Variants in COL5A2 observed in about 807,000 individuals in gnomAD.
The protein encoded by COL5A2 is collagen type V alpha 2 chain.
COL5A2 carries 23 observed loss-of-function variants against 208.2 expected under a neutral mutation model. The ratio of observed to expected loss-of-function variants is 0.11; its 90% CI spans 0.08 to 0.16. The LOEUF is 0.16. COL5A2 is among the 10% of genes least tolerant of loss of function. The pLI is 1.00. For missense variants in COL5A2, 1,590 were observed against 1,956.4 expected, an observed-to-expected ratio of 0.81 and a Z score of 3.53; for synonymous variants, 625 against 628.5, an observed-to-expected ratio of 0.99 and a Z score of 0.08.
At chr2:189,169,681 C>A (rs971534830) in intron 1 of COL5A2, among the ~76,000 whole-genome samples, 6 of 152,200 alleles carry the variant, frequency 3.9e-5, no homozygotes, top group Non-Finnish European at 7.4e-5. Flanking sequence ...CTCATAATCA[C>A]CCAATAAGCA....
At chr2:189,353,931 T>A in the COL5A2 span, among the ~76,000 whole-genome samples, 5 of 152,202 alleles carry the variant, frequency 3.3e-5, no homozygotes, top group South Asian at 1.0e-3. Context: ...GGGTTTGTCA[T>A]AAATAGCTCT....
the COL5A2 span, among the ~76,000 whole-genome samples, chr2:189,430,125 A>G: frequency 6.6e-6 from 1 of 152,192 alleles, no homozygotes; most frequent in Non-Finnish European, 1.5e-5. Flanking sequence ...TCTCCCTTGC[A>G]CTGCACCTAC....
Position 189,041,681 on chromosome 2 carries a change from G to C in COL5A2, c.3538C>G (p.Pro1180Ala). 6.2e-7 allele frequency: 1 copy of C among 1,613,656 alleles called. No homozygotes were observed. Residue 1180 changes from proline (P) to alanine (A), a missense_variant, in exon 50 of 54, where the codon CCA becomes GCA. Pro to Ala is a conservative substitution (Grantham distance 27). Transcript: ENST00000374866. ...GPFGPRGPPG[P>A]VGPSGKEGNP... Reference sequence around the variant, plus strand: ...CCTTCTTTACCTGAAGGACCAACTGGGCCTGGAGGACCCTGCAAGAAACAA... The same window carrying C: ...CCTTCTTTACCTGAAGGACCAACTGCGCCTGGAGGACCCTGCAAGAAACAA...
intron 1 of COL5A2, among the ~76,000 whole-genome samples, chr2:189,173,914 T>C (rs544067446): frequency 1.3e-5 from 2 of 152,332 alleles, no homozygotes; most frequent in South Asian, 2.1e-4. Context: ...ACCCTTACTA[T>C]ATCTCTAATG....
chr2:189,259,199 C>T, the COL5A2 span, among the ~76,000 whole-genome samples: 1 of 152,148 alleles, frequency 6.6e-6, no homozygotes, highest in Non-Finnish European at 1.5e-5. Context: ...GAAAAAAATG[C>T]ACTAGGAGAC....
chr2:189,137,409 C>A (rs1054487765), intron 1 of COL5A2, among the ~76,000 whole-genome samples: 3 of 152,222 alleles, frequency 2.0e-5, no homozygotes, highest in African/African-American at 7.2e-5. Context: ...AGAAGGAAGA[C>A]TTATGTTCTG....
At chr2:189,049,643 A>T (rs1054735592) in intron 43 of COL5A2, among the ~76,000 whole-genome samples, 189 bp from the exon 44 acceptor site, 3 of 152,122 alleles carry the variant, frequency 2.0e-5, no homozygotes, top group Admixed American at 2.0e-4. Context: ...ACTCCTCTTG[A>T]CGTATCTAAG....
intron 35 of COL5A2, chr2:189,056,619 C>T (rs1559082317): frequency 6.3e-6 from 2 of 315,148 alleles, no homozygotes; most frequent in Non-Finnish European, 1.2e-5. Flanking sequence ...CAAAGCTCTA[C>T]TTGTCTATGC....
At chr2:189,163,227 C>T (rs1365269126) in intron 1 of COL5A2, among the ~76,000 whole-genome samples, 1 of 152,026 alleles carries the variant, frequency 6.6e-6, no homozygotes, top group Non-Finnish European at 1.5e-5. Flanking sequence ...AATGAAATAG[C>T]AGTTTGGTAT....
At chr2:189,368,704 T>C in the COL5A2 span, among the ~76,000 whole-genome samples, 47 of 152,268 alleles carry the variant, frequency 3.1e-4, no homozygotes, top group African/African-American at 1.0e-3. Context: ...ACAACATAAA[T>C]GGTGAAAGGA....
chr2:189,325,822 C>A, the COL5A2 span, among the ~76,000 whole-genome samples: 1 of 152,052 alleles, frequency 6.6e-6, no homozygotes, highest in African/African-American at 2.4e-5. Context: ...GAAGGCCAGG[C>A]GCAGTGGCTC....
At chr2:189,050,775 A>T (rs372394027) in intron 42 of COL5A2, 99 bp from the exon 43 acceptor site, 2 of 1,006,730 alleles carry the variant, frequency 2.0e-6, no homozygotes. Flanking sequence ...GTTTTTCAGT[A>T]TGAAAAAGAA....
chr2:189,364,754 T>C, the COL5A2 span, among the ~76,000 whole-genome samples: 3,657 of 151,826 alleles, frequency 0.024, 158 homozygotes, highest in African/African-American at 0.084. Flanking sequence ...AAAATTCTAA[T>C]AGAAGTGCAT....
the COL5A2 span, among the ~76,000 whole-genome samples, chr2:189,314,301 C>T: frequency 6.6e-6 from 1 of 152,238 alleles, no homozygotes; most frequent in East Asian, 1.9e-4. Context: ...CAAAACCATA[C>T]AATTACATGA....
chr2:189,082,533 G>A (rs774500401), intron 12 of COL5A2, among the ~76,000 whole-genome samples: 7 of 152,158 alleles, frequency 4.6e-5, no homozygotes, highest in Non-Finnish European at 7.4e-5. Flanking sequence ...AAGCCTATAG[G>A]GGAATTGCTG....
the COL5A2 span, among the ~76,000 whole-genome samples, chr2:189,267,034 G>T: frequency 6.6e-6 from 1 of 151,520 alleles, no homozygotes; most frequent in Non-Finnish European, 1.5e-5. Flanking sequence ...AAAAGCATTG[G>T]GCTATGAAAC....
At chr2:189,434,293 C>CA in the COL5A2 span, among the ~76,000 whole-genome samples, 1 of 152,136 alleles carries the variant, frequency 6.6e-6, no homozygotes, top group African/African-American at 2.4e-5. Context: ...CCTCTCTCAC[C>CA]ACTCCTATTC....
At chr2:189,296,210 T>C in the COL5A2 span, among the ~76,000 whole-genome samples, 1 of 152,146 alleles carries the variant, frequency 6.6e-6, no homozygotes, top group Non-Finnish European at 1.5e-5. Context: ...TCCAATCTAC[T>C]GTTAAGGCCA....
intron 1 of COL5A2, among the ~76,000 whole-genome samples, chr2:189,149,695 T>C (rs994748924): frequency 6.6e-6 from 1 of 152,234 alleles, no homozygotes; most frequent in African/African-American, 2.4e-5. Context: ...AAATCACTAA[T>C]GTTTTCAGGG....
Sources: allele counts gnomAD v4.1 joint callset (sites outside exome capture counted in the v4.1 genomes callset), GRCh38; gene constraint gnomAD v4.1.1; transcripts MANE v1.5; gene names NCBI Gene and HGNC (gene_info 2026-07-23, HGNC 2026-07-21).